Variants in ZNF665 observed in about 807,000 individuals in gnomAD.
The protein encoded by ZNF665 is zinc finger protein 665.
A neutral mutation model predicts 7.9 loss-of-function variants in ZNF665; 6 were observed. The ratio of observed to expected loss-of-function variants is 0.76; its 90% CI spans 0.42 to 1.50. The LOEUF (loss-of-function observed/expected upper bound fraction) is 1.50, where lower values mean the gene tolerates loss of function less well. Ranked by LOEUF, ZNF665 falls within the 40% of genes most tolerant of loss-of-function variation. ZNF665 has a pLI of 0.01. For synonymous variants in ZNF665, 242 were observed against 274.5 expected (o/e 0.88, Z 1.17); for missense variants, 819 against 806.7 (o/e 1.02, Z -0.18).
At chr19:53,184,193 T>C (rs1243054645) in intron 1 of ZNF665, among the ~76,000 whole-genome samples, 1 of 151,884 alleles carries the variant, frequency 6.6e-6, no homozygotes, top group Non-Finnish European at 1.5e-5. Context: ...GAGGTTGCAG[T>C]GAGCCAAGAT....
intron 3 of ZNF665, among the ~76,000 whole-genome samples, chr19:53,174,871 G>A (rs545392017): frequency 2.0e-5 from 3 of 151,238 alleles, no homozygotes; most frequent in Non-Finnish European, 4.4e-5. Flanking sequence ...CTCAGGAGGC[G>A]GTAGTTGCGG....
chr19:53,165,307 T>G lies in ZNF665; in HGVS notation c.1183A>C (p.Ile395Leu), dbSNP rs527451676. Reference sequence around the variant, plus strand: ...TTGAAAGGCTTTTCTCCGGTATGGATGATCTGATGCTTAGTTAAGTTTGAA... The same window carrying G: ...TTGAAAGGCTTTTCTCCGGTATGGAGGATCTGATGCTTAGTTAAGTTTGAA... ...MHSNLTKHQIIHTGEKPFKCN... is the reference protein window; with the variant it reads ...MHSNLTKHQILHTGEKPFKCN... The change falls in exon 4 of 4, where the codon ATC becomes CTC. Residue 395 changes from isoleucine to leucine, a missense_variant. Transcript: ENST00000396424. The G allele has an allele frequency of 1.2e-6, 2 of 1,613,388 alleles. No individual in the cohort carries two copies. The highest frequency in any genetic ancestry group is 1.7e-4 in the Middle Eastern group (1 of 6,058).
intron 2 of ZNF665, among the ~76,000 whole-genome samples, chr19:53,179,073 A>G (rs1226513119): frequency 6.6e-6 from 1 of 152,180 alleles, no homozygotes; most frequent in Non-Finnish European, 1.5e-5. Context: ...AAACAAAGAT[A>G]AAAGTGGCTA....
rs777038887 is a variant in ZNF665 at position 53,166,139 on chromosome 19, T to G, written c.351A>C (p.Lys117Asn). The change falls in exon 4 of 4, where the codon AAA becomes AAC. Residue 117 changes from lysine (K) to asparagine (N), a missense_variant. By Grantham distance (94) the Lys-to-Asn change is moderately conservative. Coordinates refer to ENST00000396424, the MANE Select transcript of ZNF665 (RefSeq NM_024733.5). ...GNYKTVLMLQ[K>N]ENLPGRRAQR... ...GAGCTCTTCTACCAGGGAGATTTTCTTTTTGCAACATAAGTACTGTTTTAT... is the reference window on the plus strand; with the variant it reads ...GAGCTCTTCTACCAGGGAGATTTTCGTTTTGCAACATAAGTACTGTTTTAT... The G allele has an allele frequency of 6.2e-7, 1 of 1,613,838 alleles. No homozygotes were observed.
chr19:53,191,216 G>C (rs968533918), intron 1 of ZNF665, among the ~76,000 whole-genome samples: 4 of 152,154 alleles, frequency 2.6e-5, no homozygotes, highest in African/African-American at 4.8e-5. Context: ...CTGCGTGTTG[G>C]TGAGGAGAAA....
rs2090575350 is a variant in ZNF665, at chr19:53,162,955, C to T, written c.*1498G>A. 1 of 152,140 alleles carries T rather than the reference C, an allele frequency of 6.6e-6. No homozygotes were observed. The highest frequency in any genetic ancestry group is 1.5e-5 in the Non-Finnish European group (1 of 68,036). 9.4% of individuals were successfully genotyped at this position (152,140 alleles called of 1,614,324 possible). ...GCATTATTTGTACCACACATCAGTC[C>T]CTAATAAGCTATTACTCTCCTCTAA... On this transcript the variant is annotated 3_prime_UTR_variant, in exon 4 of 4. Coordinates refer to ENST00000396424, the MANE Select transcript of ZNF665 (RefSeq NM_024733.5).
intron 1 of ZNF665, among the ~76,000 whole-genome samples, chr19:53,183,356 T>C (rs961280931): frequency 2.0e-5 from 3 of 152,176 alleles, no homozygotes; most frequent in African/African-American, 7.2e-5. Flanking sequence ...TGGTGCTCAA[T>C]AGTAGATACA....
At chr19:53,173,036 G>A (rs997379008) in intron 3 of ZNF665, among the ~76,000 whole-genome samples, 2 of 152,110 alleles carry the variant, frequency 1.3e-5, no homozygotes, top group African/African-American at 4.8e-5. Flanking sequence ...CAGTGCAGAA[G>A]CATTTTCAGT....
intron 3 of ZNF665, among the ~76,000 whole-genome samples, chr19:53,169,272 CAAAAG>C (rs2090639835): frequency 6.6e-6 from 1 of 151,686 alleles, no homozygotes; most frequent in Middle Eastern, 3.2e-3. Context: ...ATACACTGCA[CAAAAG>C]AAAATATTAA....
At chr19:53,173,525 C>A (rs2090674736) in intron 3 of ZNF665, among the ~76,000 whole-genome samples, 3 of 151,836 alleles carry the variant, frequency 2.0e-5, no homozygotes, top group African/African-American at 7.3e-5. Flanking sequence ...CAGGTGTGCA[C>A]CACCATGCCT....
At chr19:53,171,524 A>ATATATATTTTTTT (rs372855271) in intron 3 of ZNF665, among the ~76,000 whole-genome samples, 21 of 69,324 alleles carry the variant, frequency 3.0e-4, no homozygotes, top group Admixed American at 1.3e-3. Context: ...ATATATATAT[A>ATATATATTTTTTT]TTTTTTTTTT....
chr19:53,171,500 G>GTATATA (rs1275920732), intron 3 of ZNF665, among the ~76,000 whole-genome samples: 1 of 31,274 alleles, frequency 3.2e-5, no homozygotes, highest in African/African-American at 8.3e-5. Flanking sequence ...GTGTGTGTGT[G>GTATATA]TGTGTATATA....
chr19:53,176,133 C>T (rs544274510), intron 2 of ZNF665, among the ~76,000 whole-genome samples: 104 of 152,050 alleles, frequency 6.8e-4, no homozygotes, highest in Non-Finnish European at 9.1e-4. Flanking sequence ...CACACTGCAG[C>T]CTGGGTGACA....
intron 3 of ZNF665, among the ~76,000 whole-genome samples, chr19:53,167,169 T>C (rs1251703172): frequency 6.6e-6 from 1 of 151,704 alleles, no homozygotes; most frequent in African/African-American, 2.4e-5. Context: ...GCCAGACTAA[T>C]TTTGTATTTT....
intron 3 of ZNF665, among the ~76,000 whole-genome samples, chr19:53,171,092 T>C (rs2090653772): frequency 6.6e-6 from 1 of 151,798 alleles, no homozygotes. Flanking sequence ...TGAAGCAATT[T>C]TCCTGCCTCA....
intron 1 of ZNF665, among the ~76,000 whole-genome samples, chr19:53,184,554 T>A (rs1446383767): frequency 1.3e-5 from 2 of 151,924 alleles, no homozygotes; most frequent in Admixed American, 1.3e-4. Context: ...AAGGGAGAAG[T>A]CTGCAGGGAA....
At chr19:53,171,068 T>G (rs932095482) in intron 3 of ZNF665, among the ~76,000 whole-genome samples, 25 of 152,250 alleles carry the variant, frequency 1.6e-4, no homozygotes, top group African/African-American at 6.0e-4. Flanking sequence ...CACTGCAACC[T>G]CCACCTCCCG....
chr19:53,182,499 G>A (rs1286202651), intron 2 of ZNF665: 4 of 527,666 alleles, frequency 7.6e-6, no homozygotes, highest in African/African-American at 7.6e-5. Flanking sequence ...GCATTTCGTG[G>A]GTGCTTGTAC....
chr19:53,179,003 C>T (rs1428912848), intron 2 of ZNF665, among the ~76,000 whole-genome samples: 1 of 152,116 alleles, frequency 6.6e-6, no homozygotes, highest in Admixed American at 6.5e-5. Flanking sequence ...ATGTAAAAAC[C>T]TAATTTCAGC....
Sources: gnomAD v4.1 joint callset for allele counts (sites outside exome capture counted in the v4.1 genomes callset) on GRCh38, gnomAD v4.1.1 for gene constraint, MANE v1.5 for transcripts, NCBI Gene and HGNC (gene_info 2026-07-23, HGNC 2026-07-21) for gene names.